Variants in MRPS35 observed in about 807,000 individuals in gnomAD.
MRPS35 encodes the protein mitochondrial ribosomal protein S35.
A neutral mutation model predicts 32.7 loss-of-function variants in MRPS35; 29 were observed. The observed-to-expected ratio is 0.89, with a 90% CI of 0.66 to 1.21. The LOEUF is 1.21. MRPS35 is among the 50% of genes most tolerant of loss of function. The pLI, the probability that MRPS35 is intolerant of heterozygous loss-of-function variation, is 0.00. For missense variants in MRPS35, 373 were observed against 383.8 expected, an observed-to-expected ratio of 0.97 and a Z score of 0.23; for synonymous variants, 148 against 139.3, an observed-to-expected ratio of 1.06 and a Z score of -0.44.
chr12:27,723,229 G>A (rs1235064817), intron 4 of MRPS35, among the ~76,000 whole-genome samples: 1 of 151,806 alleles, frequency 6.6e-6, no homozygotes, highest in Non-Finnish European at 1.5e-5. Context: ...GATGAAATCA[G>A]CTCTGATACC....
chr12:27,723,959 C>G, intron 4 of MRPS35, 88 bp from the exon 5 acceptor site: 1 of 1,296,820 alleles, frequency 7.7e-7, no homozygotes, highest in Non-Finnish European at 1.1e-6. Context: ...TGGTGATGCT[C>G]TCAGTAATTT....
chr12:27,751,953 T>C (rs1039320541), intron 7 of MRPS35, among the ~76,000 whole-genome samples: 2 of 152,086 alleles, frequency 1.3e-5, no homozygotes, highest in African/African-American at 4.8e-5. Flanking sequence ...GAAAATTATT[T>C]ACTGGCCAGG....
intron 7 of MRPS35, among the ~76,000 whole-genome samples, chr12:27,745,151 G>T (rs1215899434): frequency 1.3e-5 from 2 of 152,146 alleles, no homozygotes; most frequent in Non-Finnish European, 2.9e-5. Flanking sequence ...AAAATACTTT[G>T]TCTTTTTTCT....
At chr12:27,737,714 G>A in intron 7 of MRPS35, 106 bp downstream of exon 7, 1 of 854,204 alleles carries the variant, frequency 1.2e-6, no homozygotes, top group Non-Finnish European at 1.9e-6. Context: ...TTTGTGAACT[G>A]CTGAATAATC....
In MRPS35 at chr12:27,716,420, G is replaced by A. The variant is rs1354193819; in HGVS notation, c.283G>A (p.Val95Met). 6.2e-6 allele frequency: 10 copies of A among 1,614,036 alleles called. No individual in the cohort carries two copies. Among genetic ancestry groups the A allele is most frequent in the Admixed American group, 5.0e-5 (3 of 59,982 alleles). The part of the protein sequence containing the change: ...VRMGYPVKKG[V>M]PMAKEGNLEL... ...AATGGGTTATCCAGTAAAAAAGGGCGTGCCCATGGCAAAGGAGGGAAATCT... is the reference window on the plus strand; with the variant it reads ...AATGGGTTATCCAGTAAAAAAGGGCATGCCCATGGCAAAGGAGGGAAATCT... Residue 95 changes from valine (V) to methionine (M), a missense_variant, in exon 3 of 8, where the codon GTG (valine) becomes ATG (methionine). By Grantham distance (21) the Val-to-Met change is conservative. Transcript: ENST00000081029.
chr12:27,740,597 A>C (rs768317739), intron 7 of MRPS35, among the ~76,000 whole-genome samples: 1 of 152,088 alleles, frequency 6.6e-6, no homozygotes, highest in African/African-American at 2.4e-5. Context: ...CTTCCCCTAG[A>C]GGTTACCTCT....
chr12:27,715,324 A>G (rs2061845152), intron 2 of MRPS35, among the ~76,000 whole-genome samples: 1 of 152,088 alleles, frequency 6.6e-6, no homozygotes, highest in African/African-American at 2.4e-5. Context: ...TTTAGTAGAG[A>G]GAGGTTTTCA....
chr12:27,716,904 T>C (rs1440497088), intron 3 of MRPS35, among the ~76,000 whole-genome samples: 1 of 151,978 alleles, frequency 6.6e-6, no homozygotes, highest in African/African-American at 2.4e-5. Flanking sequence ...GAAAGGAGAA[T>C]TGCTTGAACC....
chr12:27,727,942 A>C (rs536337923), intron 5 of MRPS35, among the ~76,000 whole-genome samples: 45 of 152,230 alleles, frequency 3.0e-4, no homozygotes, highest in Admixed American at 2.8e-3. Flanking sequence ...GATTACTTAT[A>C]ATGCCTAATA....
At chr12:27,740,469 T>C (rs1408854393) in intron 7 of MRPS35, among the ~76,000 whole-genome samples, 2 of 152,142 alleles carry the variant, frequency 1.3e-5, no homozygotes, top group Non-Finnish European at 2.9e-5. Flanking sequence ...GGGATTTCAC[T>C]GTGTTGTCCA....
intron 5 of MRPS35, chr12:27,725,721 T>C (rs961994666): frequency 6.5e-6 from 1 of 154,474 alleles, no homozygotes; most frequent in African/African-American, 2.4e-5. Flanking sequence ...ACTAGTGAGG[T>C]TGAGGATTTA....
intron 5 of MRPS35, among the ~76,000 whole-genome samples, chr12:27,724,954 A>C (rs1354524782): frequency 1.3e-5 from 2 of 152,114 alleles, no homozygotes; most frequent in Non-Finnish European, 2.9e-5. Flanking sequence ...TTGAGATGAG[A>C]TCTGACAGGC....
At chr12:27,746,692 T>A (rs142589989) in intron 7 of MRPS35, among the ~76,000 whole-genome samples, 1 of 152,362 alleles carries the variant, frequency 6.6e-6, no homozygotes, top group African/African-American at 2.4e-5. Context: ...TTCATTTTAT[T>A]ATATACTTAA....
chr12:27,738,913 C>CTTT (rs60150957), intron 7 of MRPS35, among the ~76,000 whole-genome samples: 1 of 139,808 alleles, frequency 7.2e-6, no homozygotes, highest in African/African-American at 2.6e-5. Context: ...TTACTGAGAA[C>CTTT]TTTTTTTTTT....
chr12:27,742,604 AG>A lies in MRPS35; in HGVS notation c.702+4998del, dbSNP rs561544771. Among the ~76,000 whole-genome samples the A allele has an allele frequency of 1.9e-3, 293 of 152,316 alleles. 1 individual carries two copies. Among genetic ancestry groups the A allele is most frequent in the Middle Eastern group, 3.4e-3 (1 of 294 alleles). ...TCTAGGCCTTGTGGGTTTAAAGAGC[AG>A]GCAGAAGTTTGGTGTAGCCAGGGTA... On this transcript the variant is annotated intron_variant, in intron 7 of 7. Coordinates refer to ENST00000081029, the MANE Select transcript of MRPS35 (RefSeq NM_021821.4).
At chr12:27,740,648 C>T (rs2061960984) in intron 7 of MRPS35, among the ~76,000 whole-genome samples, 1 of 152,162 alleles carries the variant, frequency 6.6e-6, no homozygotes, top group Non-Finnish European at 1.5e-5. Context: ...TTTTATGTAG[C>T]TTGTAGTACT....
Position 27,710,894 on chromosome 12 carries a change from GA to G in MRPS35, c.52del (p.Thr18LeufsTer74). The G allele has an allele frequency of 1.9e-6, 3 of 1,612,764 alleles. No individual in the cohort carries two copies. Among genetic ancestry groups the G allele is most frequent in the Non-Finnish European group, 2.5e-6 (3 of 1,179,912 alleles). ...GGCTGTCTCTGCAGTCGAGGGCAAG[GA>G]CTCTGCGTGCATTCTCCACTGCCGT... is the stretch of plus-strand genomic sequence containing the variant. ...AWLSLQSRAR[T>X]LRAFSTAVYS... On this transcript the variant is annotated frameshift_variant, in exon 1 of 8. Coordinates refer to ENST00000081029, the MANE Select transcript of MRPS35 (RefSeq NM_021821.4). LOFTEE classifies it high-confidence loss of function.
At position 27,755,974 on chromosome 12, in the gene MRPS35, A is replaced by AT. The variant is rs2062024854; in HGVS notation, c.*526dup. Reference sequence around the variant, plus strand: ...TGATATTTTCTAAAAAGATATGTTGATTCAACTTTGTTTAGCATCCTACTT... The same window carrying AT: ...TGATATTTTCTAAAAAGATATGTTGATTTCAACTTTGTTTAGCATCCTACTT... On this transcript the variant is annotated 3_prime_UTR_variant, in exon 8 of 8. Transcript: ENST00000081029. 6.6e-6 allele frequency: 1 copy of AT among 152,224 alleles called. No individual in the cohort carries two copies. 9.4% of individuals were successfully genotyped at this position (152,224 alleles called of 1,614,324 possible).
Position 27,755,328 on chromosome 12 carries a change from C to T in MRPS35, c.850C>T (p.Leu284Phe), listed in dbSNP as rs952622073. The change falls in exon 8 of 8, where the codon CTT becomes TTT. Residue 284 changes from leucine (L) to phenylalanine (F), a missense_variant. Transcript: ENST00000081029. ...TATGGAAATAAATAAAGAAGAGCTCCTTGGTACTAAAGAAATTGAAGAGTA... is the reference window on the plus strand; with the variant it reads ...TATGGAAATAAATAAAGAAGAGCTCTTTGGTACTAAAGAAATTGAAGAGTA... ...KNMEINKEEL[L>F]GTKEIEEYKK... 6.2e-7 allele frequency: 1 copy of T among 1,611,784 alleles called. No homozygotes were observed. The highest frequency in any genetic ancestry group is 8.5e-7 in the Non-Finnish European group (1 of 1,179,564).
Sources: gnomAD v4.1 joint callset for allele counts (sites outside exome capture counted in the v4.1 genomes callset) on GRCh38, gnomAD v4.1.1 for gene constraint, MANE v1.5 for transcripts, NCBI Gene and HGNC (gene_info 2026-07-23, HGNC 2026-07-21) for gene names.